The following ZNF69 variants were observed in gnomAD, a reference collection of about 807,000 sequenced individuals.
ZNF69 encodes the protein zinc finger protein 69, also known as ZNF3.
A neutral mutation model predicts 50.9 loss-of-function variants in ZNF69; 47 were observed. The observed-to-expected ratio is 0.92, with a 90% CI of 0.73 to 1.18. The LOEUF is 1.18. Ranked by LOEUF, ZNF69 falls within the 50% of genes most tolerant of loss-of-function variation. The pLI, the probability that ZNF69 is intolerant of heterozygous loss-of-function variation, is 0.00. For missense variants in ZNF69, 717 were observed against 675.1 expected (o/e 1.06, Z -0.69); for synonymous variants, 216 against 223.1 (o/e 0.97, Z 0.29).
At chr19:11,974,618 G>C in the ZNF69 span, among the ~76,000 whole-genome samples, 1 of 141,640 alleles carries the variant, frequency 7.1e-6, no homozygotes, top group African/African-American at 2.6e-5. Context: ...TGGGCGGGGG[G>C]GTGGGGTGTA....
At chr19:11,939,330 G>C in the ZNF69 span, among the ~76,000 whole-genome samples, 3 of 152,260 alleles carry the variant, frequency 2.0e-5, no homozygotes, top group East Asian at 3.9e-4. Context: ...TATTGCCTAG[G>C]TTTTCTTCTA....
chr19:11,946,393 G>T, the ZNF69 span, among the ~76,000 whole-genome samples: 1 of 152,076 alleles, frequency 6.6e-6, no homozygotes, highest in Non-Finnish European at 1.5e-5. Flanking sequence ...TTCCTGCCAT[G>T]GGTCCTCTGA....
At chr19:11,948,690 T>C in the ZNF69 span, 16 of 1,612,260 alleles carry the variant, frequency 9.9e-6, no homozygotes, top group South Asian at 2.2e-5. Flanking sequence ...ATGGAACTTA[T>C]AAATGTAAAT....
At chr19:11,942,056 C>T in the ZNF69 span, among the ~76,000 whole-genome samples, 1 of 152,004 alleles carries the variant, frequency 6.6e-6, no homozygotes, top group Non-Finnish European at 1.5e-5. Flanking sequence ...AGGAATGTCC[C>T]CTTTCCTTTG....
At chr19:11,926,052 G>A in the ZNF69 span, among the ~76,000 whole-genome samples, 2 of 152,142 alleles carry the variant, frequency 1.3e-5, no homozygotes, top group Non-Finnish European at 2.9e-5. Flanking sequence ...TTGAGAGTGT[G>A]AAGTTTGTCT....
chr19:11,948,812 C>G, the ZNF69 span: 49 of 1,608,860 alleles, frequency 3.0e-5, no homozygotes, highest in Non-Finnish European at 4.1e-5. Flanking sequence ...ACTTATTCTG[C>G]TACCCTTCAA....
chr19:11,941,409 C>T, the ZNF69 span, among the ~76,000 whole-genome samples: 1 of 152,220 alleles, frequency 6.6e-6, no homozygotes, highest in Non-Finnish European at 1.5e-5. Context: ...GAGACTCAGG[C>T]ATGATGGGCT....
chr19:11,911,516 C>T (rs1036226354), downstream of ZNF69, among the ~76,000 whole-genome samples: 6 of 152,096 alleles, frequency 3.9e-5, no homozygotes, highest in Admixed American at 3.3e-4. Flanking sequence ...AGTTCATGTC[C>T]TTTGTAGGGA....
the ZNF69 span, among the ~76,000 whole-genome samples, chr19:11,967,309 T>C: frequency 6.6e-6 from 1 of 152,028 alleles, no homozygotes; most frequent in Non-Finnish European, 1.5e-5. Flanking sequence ...TGCACTCCAG[T>C]GTGGGTAACA....
the ZNF69 span, among the ~76,000 whole-genome samples, chr19:11,973,337 G>T: frequency 6.6e-6 from 1 of 152,192 alleles, no homozygotes; most frequent in South Asian, 2.1e-4. Context: ...GTAAAAATAT[G>T]CCTTGAAGGT....
Position 11,905,970 on chromosome 19 carries a change from G to A in ZNF69, c.1573G>A (p.Glu525Lys), listed in dbSNP as rs1568280718. ...TAGTTCCAGTTCCTTTCGATACCAT[G>A]AAAGGACTCACACTGGAGAGAAACC... ...FSSSSSFRYH[E>K]RTHTGEKPYK... The change falls in exon 4 of 4, where the codon GAA becomes AAA. Residue 525 changes from glutamate (E) to lysine (K), a missense_variant. Glu to Lys is a moderately conservative substitution (Grantham distance 56). Transcript: ENST00000429654. The A allele has an allele frequency of 3.1e-6, 5 of 1,613,920 alleles. No homozygotes were observed. The highest frequency in any genetic ancestry group is 1.6e-4 in the Middle Eastern group (1 of 6,084).
the ZNF69 span, among the ~76,000 whole-genome samples, chr19:11,962,600 A>C: frequency 1.6e-4 from 23 of 145,784 alleles, no homozygotes; most frequent in Non-Finnish European, 2.4e-4. Context: ...GGCTCAAGTG[A>C]CCCCCCCCCA....
At chr19:11,891,307 G>A (rs1429994423) in intron 1 of ZNF69, among the ~76,000 whole-genome samples, 2 of 150,580 alleles carry the variant, frequency 1.3e-5, no homozygotes, top group African/African-American at 4.9e-5. Context: ...TGCACCTGTA[G>A]TTCCACGTAC....
At chr19:11,925,853 G>A in the ZNF69 span, among the ~76,000 whole-genome samples, 5 of 152,340 alleles carry the variant, frequency 3.3e-5, no homozygotes, top group African/African-American at 1.2e-4. Flanking sequence ...ACCCCAAGCA[G>A]CCTGGAGTAA....
At position 11,887,798 on chromosome 19, in the gene ZNF69, C is replaced by G. The variant is rs1230247266; in HGVS notation, c.-126C>G. On this transcript the variant is annotated 5_prime_UTR_variant, in exon 1 of 4. Transcript: ENST00000429654. The stretch of plus-strand genomic sequence containing the variant: ...TCCCTGCCCACTGTTCCTCCAGACA[C>G]TGAGGGGGTCGCATTCCTTACCTCA... 1.4e-6 allele frequency: 1 copy of G among 692,122 alleles called. No individual in the cohort carries two copies. Among genetic ancestry groups the G allele is most frequent in the Non-Finnish European group, 2.4e-6 (1 of 420,026 alleles). The allele number at this position is 692,122 out of a possible 1,614,324, so 42.9% of individuals were successfully genotyped here. A position where few individuals can be genotyped will look rare whatever the true frequency, so the allele number is the denominator to read the frequency against.
downstream of ZNF69, among the ~76,000 whole-genome samples, chr19:11,908,099 A>G (rs1176344430): frequency 3.3e-5 from 5 of 152,254 alleles, no homozygotes; most frequent in Non-Finnish European, 7.3e-5. Flanking sequence ...AGGTAAAGGG[A>G]TCAATTCAAC....
the ZNF69 span, among the ~76,000 whole-genome samples, chr19:11,944,117 G>A: frequency 5.9e-5 from 9 of 152,114 alleles, no homozygotes; most frequent in Non-Finnish European, 1.2e-4. Flanking sequence ...GGTGAACTGG[G>A]GAGAATAAGC....
the ZNF69 span, among the ~76,000 whole-genome samples, chr19:11,962,673 T>C: frequency 6.6e-6 from 1 of 151,956 alleles, no homozygotes; most frequent in Non-Finnish European, 1.5e-5. Flanking sequence ...CTGAAACAGA[T>C]ATATTTCAAA....
chr19:11,928,386 A>ATT, the ZNF69 span, among the ~76,000 whole-genome samples: 7 of 152,136 alleles, frequency 4.6e-5, no homozygotes, highest in Non-Finnish European at 8.8e-5. Flanking sequence ...TTAAGAGTGA[A>ATT]TTTAACATTC....
Sources: allele counts gnomAD v4.1 joint callset (sites outside exome capture counted in the v4.1 genomes callset), GRCh38; gene constraint gnomAD v4.1.1; transcripts MANE v1.5; gene names NCBI Gene and HGNC (gene_info 2026-07-23, HGNC 2026-07-21).